The following PDE4D variants were observed in gnomAD, a reference collection of about 807,000 sequenced individuals.
PDE4D encodes the protein 3',5'-cyclic-AMP phosphodiesterase 4D.
A neutral mutation model predicts 87.4 loss-of-function variants in PDE4D; 24 were observed. The ratio of observed to expected loss-of-function variants is 0.27; its 90% CI spans 0.20 to 0.39. The LOEUF is 0.39. Ranked by LOEUF, PDE4D falls within the 10% of genes least tolerant of loss-of-function variation. PDE4D has a pLI of 1.00. For missense variants in PDE4D, 714 were observed against 1,041.0 expected (o/e 0.69, Z 4.32); for synonymous variants, 384 against 383.2 (o/e 1.00, Z -0.02).
intron 1 of PDE4D, among the ~76,000 whole-genome samples, chr5:60,298,760 G>A (rs1490940739): frequency 6.6e-6 from 1 of 152,140 alleles, no homozygotes; most frequent in African/African-American, 2.4e-5. Context: ...TCCATTATCT[G>A]ACCCTTCATT....
At chr5:60,122,497 G>T (rs1778779346) in intron 2 of PDE4D, among the ~76,000 whole-genome samples, 1 of 152,206 alleles carries the variant, frequency 6.6e-6, no homozygotes, top group Non-Finnish European at 1.5e-5. Context: ...AGATGCCAAG[G>T]CTTAGGGCTG....
intron 1 of PDE4D, among the ~76,000 whole-genome samples, chr5:59,837,861 A>G (rs1451430317): frequency 6.6e-6 from 1 of 152,076 alleles, no homozygotes; most frequent in Admixed American, 6.6e-5. Context: ...TTACCAAATG[A>G]ACTCATTCTT....
intron 1 of PDE4D, among the ~76,000 whole-genome samples, chr5:59,426,497 C>A (rs558728762): frequency 1.3e-5 from 2 of 152,024 alleles, no homozygotes; most frequent in African/African-American, 2.4e-5. Flanking sequence ...AAAACAGAGG[C>A]CAGAGAGTAT....
chr5:60,337,915 C>T lies in PDE4D; in HGVS notation c.-90+150027G>A, dbSNP rs150188685. On this transcript the variant is annotated intron_variant, in intron 1 of 16. Transcript: ENST00000502484. Reference sequence around the variant, plus strand: ...TCATGGGCTAGTAGGCAAACAGAAACAAATAATAATAAAAAAAAAGACATA... The same window carrying T: ...TCATGGGCTAGTAGGCAAACAGAAATAAATAATAATAAAAAAAAAGACATA... Among the ~76,000 whole-genome samples, 94 of 150,864 alleles carry T rather than the reference C, an allele frequency of 6.2e-4. No individual in the cohort carries two copies. In the East Asian group the frequency reaches 0.017, roughly 28 times the overall value.
intron 6 of PDE4D, among the ~76,000 whole-genome samples, chr5:59,038,198 C>T (rs1223801644): frequency 6.6e-6 from 1 of 152,218 alleles, no homozygotes; most frequent in Non-Finnish European, 1.5e-5. Context: ...GCCCTCAAAA[C>T]TCCATTAACT....
At chr5:60,211,572 C>T (rs922056892) in intron 1 of PDE4D, among the ~76,000 whole-genome samples, 6 of 148,038 alleles carry the variant, frequency 4.1e-5, no homozygotes, top group Non-Finnish European at 6.0e-5. Flanking sequence ...GTTTATTACG[C>T]GTTTTATTTG....
At chr5:59,774,079 T>G (rs1188253727) in intron 1 of PDE4D, among the ~76,000 whole-genome samples, 1 of 152,110 alleles carries the variant, frequency 6.6e-6, no homozygotes, top group Non-Finnish European at 1.5e-5. Flanking sequence ...TTTGGAGAGA[T>G]AGGTAGTTTA....
chr5:60,008,237 TC>T (rs1409925297), intron 2 of PDE4D, among the ~76,000 whole-genome samples: 2 of 151,754 alleles, frequency 1.3e-5, no homozygotes, highest in Non-Finnish European at 2.9e-5. Flanking sequence ...TCCTTTTTTA[TC>T]CCCCCGGGTG....
At chr5:60,066,830 T>C (rs1772155463) in intron 2 of PDE4D, among the ~76,000 whole-genome samples, 1 of 152,138 alleles carries the variant, frequency 6.6e-6, no homozygotes, top group Admixed American at 6.6e-5. Context: ...GGAAAACTGT[T>C]GTGCTTTTAT....
At chr5:59,168,298 G>A (rs952394722) in intron 5 of PDE4D, among the ~76,000 whole-genome samples, 18 of 152,246 alleles carry the variant, frequency 1.2e-4, no homozygotes, top group African/African-American at 2.9e-4. Flanking sequence ...TCAGGCCTTC[G>A]TGGTAAGTGG....
In PDE4D at chr5:60,022,511, T is replaced by A. The variant is rs899665147; in HGVS notation, c.43-33794A>T. 4 of 152,298 alleles carry A rather than the reference T, an allele frequency of 2.6e-5. 1 individual carries two copies. Among genetic ancestry groups the A allele is most frequent in the Admixed American group, 2.0e-4 (3 of 15,304 alleles). 9.4% of individuals were successfully genotyped at this position (152,298 alleles called of 1,614,324 possible). ...TGTGAAAACCAATTATGGCTCTAACTTTTTTGCTATACTTACCTCTTTCTA... is the reference window on the plus strand; with the variant it reads ...TGTGAAAACCAATTATGGCTCTAACATTTTTGCTATACTTACCTCTTTCTA... On this transcript the variant is annotated intron_variant, in intron 2 of 16. Transcript: ENST00000502484.
chr5:59,496,519 G>A (rs1039167926), intron 1 of PDE4D, among the ~76,000 whole-genome samples: 1 of 152,076 alleles, frequency 6.6e-6, no homozygotes, highest in Admixed American at 6.5e-5. Context: ...TCCCCAGTCG[G>A]CTTCCTTGTT....
intron 1 of PDE4D, among the ~76,000 whole-genome samples, chr5:60,186,638 A>G (rs1784805820): frequency 6.6e-6 from 1 of 152,106 alleles, no homozygotes; most frequent in African/African-American, 2.4e-5. Context: ...GTGTAGGTGT[A>G]GGCTGATGCT....
At chr5:59,752,897 G>A (rs1000825079) in intron 1 of PDE4D, among the ~76,000 whole-genome samples, 2 of 152,142 alleles carry the variant, frequency 1.3e-5, no homozygotes, top group African/African-American at 2.4e-5. Context: ...CCATGTTAAA[G>A]GTGTGAACTT....
chr5:59,943,534 G>T (rs942676937), intron 3 of PDE4D, among the ~76,000 whole-genome samples: 1 of 152,106 alleles, frequency 6.6e-6, no homozygotes, highest in Admixed American at 6.6e-5. Flanking sequence ...TATAGTTTAG[G>T]TTTCAATCCT....
chr5:59,955,673 C>G (rs1456730798), intron 3 of PDE4D, among the ~76,000 whole-genome samples: 2 of 152,156 alleles, frequency 1.3e-5, no homozygotes, highest in East Asian at 3.9e-4. Flanking sequence ...TAAGGATTGC[C>G]TCTTGTAGCA....
chr5:59,820,006 C>T (rs763807911), intron 1 of PDE4D, among the ~76,000 whole-genome samples: 1 of 152,156 alleles, frequency 6.6e-6, no homozygotes, highest in African/African-American at 2.4e-5. Flanking sequence ...GTCATTTGAC[C>T]TTGAACAGCC....
intron 1 of PDE4D, among the ~76,000 whole-genome samples, chr5:59,427,594 G>A (rs1459007901): frequency 6.6e-6 from 1 of 152,056 alleles, no homozygotes; most frequent in Non-Finnish European, 1.5e-5. Flanking sequence ...AGCACTTTGG[G>A]AGGCCAAGGC....
chr5:59,499,469 G>A (rs1456687972), intron 1 of PDE4D, among the ~76,000 whole-genome samples: 1 of 151,072 alleles, frequency 6.6e-6, no homozygotes, highest in Non-Finnish European at 1.5e-5. Context: ...ACTATACAAA[G>A]GATATACAAA....
Sources: allele counts gnomAD v4.1 joint callset (sites outside exome capture counted in the v4.1 genomes callset), GRCh38; gene constraint gnomAD v4.1.1; transcripts MANE v1.5; gene names NCBI Gene and HGNC (gene_info 2026-07-23, HGNC 2026-07-21).